Variants in TEX11 observed in about 807,000 individuals in gnomAD.
The protein encoded by TEX11 is testis-expressed protein 11.
Under a neutral mutation model 84.4 loss-of-function variants are expected in TEX11, and 7 were observed. The ratio of observed to expected loss-of-function variants is 0.08; its 90% CI spans 0.05 to 0.16. TEX11 has a LOEUF of 0.16. TEX11 is among the 10% of genes least tolerant of loss of function. The pLI is 1.00. For synonymous variants in TEX11, 264 were observed against 222.8 expected (o/e 1.18, Z -1.64); for missense variants, 551 against 660.5 (o/e 0.83, Z 1.82).
chrX:70,635,384 A>T (rs1340989697), intron 17 of TEX11, among the ~76,000 whole-genome samples: 5 of 112,120 alleles, frequency 4.5e-5, no homozygotes, highest in Admixed American at 3.8e-4. Flanking sequence ...CATATCCTGC[A>T]GACCCAGGCT....
At chrX:70,881,310 G>C (rs1191932198) in intron 2 of TEX11, among the ~76,000 whole-genome samples, 1 of 100,725 alleles carries the variant, frequency 9.9e-6, no homozygotes, top group Non-Finnish European at 2.0e-5. Flanking sequence ...CTGGGCAACA[G>C]AGCAAGACTG....
chrX:70,665,789 C>T (rs1189926128), intron 16 of TEX11, among the ~76,000 whole-genome samples: 2 of 111,670 alleles, frequency 1.8e-5, no homozygotes, highest in African/African-American at 3.2e-5. Flanking sequence ...AAATAAAATG[C>T]GTTCTCACCC....
At chrX:70,518,940 CT>C in the TEX11 span, among the ~76,000 whole-genome samples, 2 of 111,736 alleles carry the variant, frequency 1.8e-5, no homozygotes, top group African/African-American at 6.5e-5. Context: ...ATAACCCCTG[CT>C]CTTTTTTGTT....
At chrX:70,664,074 C>CT (rs777861744) in intron 16 of TEX11, among the ~76,000 whole-genome samples, 40 of 111,701 alleles carry the variant, frequency 3.6e-4, no homozygotes, top group Non-Finnish European at 3.6e-4. Context: ...TTCTAAATTG[C>CT]TTTTTTCTGA....
intron 2 of TEX11, among the ~76,000 whole-genome samples, chrX:70,890,577 CACG>C (rs928146339): frequency 2.7e-5 from 3 of 112,718 alleles, no homozygotes; most frequent in African/African-American, 9.7e-5. Context: ...TGGCAGGTCC[CACG>C]ACAACAAAGC....
rs1448122645 is a variant in TEX11 at position 70,875,923 on chromosome X, A to G, written c.160-2616T>C. On this transcript the variant is annotated intron_variant, in intron 3 of 29. Transcript: ENST00000374333. The stretch of plus-strand genomic sequence containing the variant: ...AATCTTACCCCAAAGAAGAACTTCA[A>G]TAAAATATTGGATTCTAGTTAATGA... Among the ~76,000 whole-genome samples the G allele has an allele frequency of 6.2e-5, 7 of 112,157 alleles. No individual in the cohort carries two copies. The Admixed American group carries it at 6.7e-4, about 11-fold the overall frequency.
chrX:70,580,221 A>G (rs768150869), intron 25 of TEX11, among the ~76,000 whole-genome samples: 5 of 112,424 alleles, frequency 4.4e-5, no homozygotes, highest in African/African-American at 6.5e-5. Context: ...CAAACCTTGC[A>G]TGTTCTCACT....
chrX:70,523,721 C>A, the TEX11 span, among the ~76,000 whole-genome samples: 1 of 109,137 alleles, frequency 9.2e-6, no homozygotes, highest in African/African-American at 3.3e-5. Flanking sequence ...GCCTCGGCCT[C>A]CCAAAGTGCT....
chrX:70,812,499 G>A (rs957787313), intron 8 of TEX11, among the ~76,000 whole-genome samples: 3 of 111,235 alleles, frequency 2.7e-5, no homozygotes, highest in Non-Finnish European at 3.8e-5. Flanking sequence ...GAGCCACCGC[G>A]CCTGGCCCTT....
intron 24 of TEX11, among the ~76,000 whole-genome samples, chrX:70,594,206 A>G (rs1443344670): frequency 1.8e-5 from 2 of 111,812 alleles, no homozygotes; most frequent in African/African-American, 6.5e-5. Flanking sequence ...AGGCAGTGGG[A>G]CAACATATCC....
chrX:70,688,601 A>G (rs2090208265), intron 13 of TEX11, among the ~76,000 whole-genome samples: 2 of 110,066 alleles, frequency 1.8e-5, no homozygotes, highest in South Asian at 7.7e-4. Context: ...GGTTGCCAGC[A>G]TCTCAGGAAG....
intron 5 of TEX11, among the ~76,000 whole-genome samples, chrX:70,858,651 A>C (rs1345894839): frequency 9.0e-6 from 1 of 111,629 alleles, no homozygotes; most frequent in Non-Finnish European, 1.9e-5. Context: ...AAAATTAAGC[A>C]TTTACAAGCT....
At chrX:70,676,406 A>G (rs931966703) in intron 15 of TEX11, among the ~76,000 whole-genome samples, 2 of 112,272 alleles carry the variant, frequency 1.8e-5, no homozygotes, top group Non-Finnish European at 3.8e-5. Context: ...TTCTTTCATT[A>G]TTTTAAAGAT....
chrX:70,540,603 C>T (rs886448445), intron 28 of TEX11, among the ~76,000 whole-genome samples: 2 of 111,532 alleles, frequency 1.8e-5, no homozygotes, highest in Non-Finnish European at 3.8e-5. Context: ...ATTTTATTCC[C>T]TTCCATAAAC....
intron 17 of TEX11, among the ~76,000 whole-genome samples, chrX:70,648,897 G>T (rs12396290): frequency 0.19 from 20,852 of 108,460 alleles, 1,649 homozygotes; most frequent in African/African-American, 0.21. Context: ...GCCCCAGTGT[G>T]TGTTGTTCCC....
chrX:70,573,893 A>C (rs1924601133), intron 25 of TEX11, among the ~76,000 whole-genome samples: 1 of 111,405 alleles, frequency 9.0e-6, no homozygotes, highest in Non-Finnish European at 1.9e-5. Flanking sequence ...TTATGCTGGC[A>C]GAACATCCAT....
intron 25 of TEX11, among the ~76,000 whole-genome samples, chrX:70,561,715 CA>C (rs1168615178): frequency 9.0e-6 from 1 of 110,941 alleles, no homozygotes; most frequent in Non-Finnish European, 1.9e-5. Flanking sequence ...AACTTTATTC[CA>C]AATCACAGAT....
chrX:70,781,985 T>A (rs1235421785), intron 9 of TEX11, among the ~76,000 whole-genome samples: 1 of 110,283 alleles, frequency 9.1e-6, no homozygotes, highest in Non-Finnish European at 1.9e-5. Context: ...AAGATACCCC[T>A]CAAGAAGAGC....
chrX:70,733,855 G>A (rs12116102), intron 11 of TEX11, among the ~76,000 whole-genome samples: 7,714 of 111,240 alleles, frequency 0.069, 568 homozygotes, highest in African/African-American at 0.21. Context: ...ATACGCACAC[G>A]TATGTTTATT....
Sources: allele counts gnomAD v4.1 joint callset (sites outside exome capture counted in the v4.1 genomes callset), GRCh38; gene constraint gnomAD v4.1.1; transcripts MANE v1.5; gene names NCBI Gene and HGNC (gene_info 2026-07-23, HGNC 2026-07-21).